Variants in DLG2 observed in about 807,000 individuals in gnomAD.
DLG2 encodes discs large MAGUK scaffold protein 2.
A neutral mutation model predicts 132.5 loss-of-function variants in DLG2; 45 were observed. The ratio of observed to expected loss-of-function variants is 0.34; its 90% confidence interval spans 0.27 to 0.44. The LOEUF is 0.44. DLG2 is among the 20% of genes least tolerant of loss of function. DLG2 has a pLI of 1.00. For synonymous variants in DLG2, 424 were observed against 419.6 expected (o/e 1.01, Z -0.13); for missense variants, 1,045 against 1,196.9 (o/e 0.87, Z 1.87).
At chr11:83,659,458 G>T (rs761209614) in intron 18 of DLG2, among the ~76,000 whole-genome samples, 9 of 152,100 alleles carry the variant, frequency 5.9e-5, no homozygotes, top group Non-Finnish European at 1.0e-4. Context: ...CTTTACTCCT[G>T]AATCTTTCAG....
chr11:83,860,335 C>G (rs1471803273), intron 16 of DLG2, among the ~76,000 whole-genome samples: 1 of 152,184 alleles, frequency 6.6e-6, no homozygotes, highest in African/African-American at 2.4e-5. Context: ...TGCAAAGCCA[C>G]AGGAGTGGAG....
At position 83,794,006 on chromosome 11, in the gene DLG2, C is replaced by G. The variant is rs1594500019; in HGVS notation, c.1723-7214G>C. Reference sequence around the variant, plus strand: ...AGGAAGGGACTGGCCCAAAGTCATACTGAAGTTAGCATAGGGATAGGACCA... The same window carrying G: ...AGGAAGGGACTGGCCCAAAGTCATAGTGAAGTTAGCATAGGGATAGGACCA... On this transcript the variant is annotated intron_variant, in intron 17 of 27. Coordinates refer to ENST00000376104, the MANE Select transcript of DLG2 (RefSeq NM_001142699.3). Among the ~76,000 whole-genome samples the G allele has an allele frequency of 2.0e-5, 3 of 152,140 alleles. No individual in the cohort carries two copies. In the East Asian group the frequency reaches 5.8e-4, roughly 29 times the overall value.
At chr11:84,103,709 T>A (rs1166343797) in intron 9 of DLG2, among the ~76,000 whole-genome samples, 3 of 152,146 alleles carry the variant, frequency 2.0e-5, no homozygotes, top group Admixed American at 2.0e-4. Context: ...AGAGAGAGAA[T>A]CCACCAAAAG....
chr11:84,801,371 C>T (rs1179951659), intron 6 of DLG2, among the ~76,000 whole-genome samples: 5 of 152,108 alleles, frequency 3.3e-5, no homozygotes, highest in Non-Finnish European at 7.3e-5. Context: ...AGATCAAGAC[C>T]ATCCTGGCTA....
chr11:83,945,253 G>T (rs572393275), intron 14 of DLG2, among the ~76,000 whole-genome samples: 1 of 152,282 alleles, frequency 6.6e-6, no homozygotes, highest in African/African-American at 2.4e-5. Flanking sequence ...TACAGTCTGG[G>T]CAACAGAGGG....
At chr11:83,662,571 C>T (rs1440508038) in intron 18 of DLG2, among the ~76,000 whole-genome samples, 2 of 152,150 alleles carry the variant, frequency 1.3e-5, no homozygotes, top group African/African-American at 2.4e-5. Flanking sequence ...GAATCTCCAA[C>T]AATTAAATGT....
chr11:83,831,576 T>G (rs547213446), intron 17 of DLG2, among the ~76,000 whole-genome samples: 90 of 152,114 alleles, frequency 5.9e-4, no homozygotes, highest in African/African-American at 2.1e-3. Flanking sequence ...GATTTTCCCA[T>G]TTTTTGAAGG....
intron 3 of DLG2, among the ~76,000 whole-genome samples, chr11:85,586,736 A>G (rs2153230893): frequency 6.6e-6 from 1 of 151,440 alleles, no homozygotes; most frequent in East Asian, 1.9e-4. Context: ...TTTTTCTGTT[A>G]GGTTTGGGTT....
At chr11:83,847,955 A>G (rs1193649376) in intron 16 of DLG2, among the ~76,000 whole-genome samples, 1 of 152,112 alleles carries the variant, frequency 6.6e-6, no homozygotes, top group African/African-American at 2.4e-5. Context: ...TATCGTAGCT[A>G]CCAGTCATAT....
At chr11:83,876,865 T>C (rs911096068) in intron 15 of DLG2, among the ~76,000 whole-genome samples, 1 of 152,158 alleles carries the variant, frequency 6.6e-6, no homozygotes, top group African/African-American at 2.4e-5. Flanking sequence ...ATTTCTAATA[T>C]GGTCTCTATA....
At chr11:83,677,975 A>T (rs2078064989) in intron 18 of DLG2, among the ~76,000 whole-genome samples, 1 of 152,208 alleles carries the variant, frequency 6.6e-6, no homozygotes. Flanking sequence ...GCTTTCTATT[A>T]GTCCTCAGCT....
At chr11:84,618,374 G>A (rs192652572) in intron 6 of DLG2, among the ~76,000 whole-genome samples, 208 of 152,098 alleles carry the variant, frequency 1.4e-3, no homozygotes, top group Middle Eastern at 3.4e-3. Flanking sequence ...CTGGTGAGCC[G>A]TCCTGCTATA....
chr11:85,605,300 C>T (rs2080450416), intron 2 of DLG2, among the ~76,000 whole-genome samples: 1 of 152,104 alleles, frequency 6.6e-6, no homozygotes, highest in South Asian at 2.1e-4. Flanking sequence ...CTCCACAATA[C>T]CACCCTTAAT....
chr11:83,957,033 G>A (rs2087053779), intron 14 of DLG2, among the ~76,000 whole-genome samples: 1 of 152,214 alleles, frequency 6.6e-6, no homozygotes, highest in Admixed American at 6.5e-5. Context: ...AACGTAGTTT[G>A]TAATAAGAAT....
At chr11:85,322,189 G>A (rs1487472982) in intron 3 of DLG2, among the ~76,000 whole-genome samples, 2 of 151,928 alleles carry the variant, frequency 1.3e-5, no homozygotes, top group South Asian at 2.1e-4. Flanking sequence ...TGACTCCAGT[G>A]GTACCTCCAG....
At chr11:85,195,677 T>C (rs1392058852) in intron 4 of DLG2, among the ~76,000 whole-genome samples, 18 of 151,720 alleles carry the variant, frequency 1.2e-4, no homozygotes, top group Non-Finnish European at 1.9e-4. Context: ...GCGCCCACCA[T>C]CACGCCCAGC....
chr11:84,379,636 C>G (rs932319494), intron 7 of DLG2, among the ~76,000 whole-genome samples: 1 of 152,018 alleles, frequency 6.6e-6, no homozygotes, highest in African/African-American at 2.4e-5. Flanking sequence ...AACAAATGCA[C>G]ACAGAGACAA....
intron 9 of DLG2, among the ~76,000 whole-genome samples, chr11:84,143,650 T>C (rs1052438161): frequency 6.6e-6 from 1 of 152,180 alleles, no homozygotes; most frequent in African/African-American, 2.4e-5. Context: ...ATTCTAACAA[T>C]TGCTCAAATG....
At chr11:84,591,190 T>C (rs1181725074) in intron 6 of DLG2, among the ~76,000 whole-genome samples, 3 of 150,324 alleles carry the variant, frequency 2.0e-5, no homozygotes, top group Non-Finnish European at 4.4e-5. Context: ...CACCCTAAAG[T>C]TTTGTTATAA....
Sources: gnomAD v4.1 joint callset for allele counts (sites outside exome capture counted in the v4.1 genomes callset) on GRCh38, gnomAD v4.1.1 for gene constraint, MANE v1.5 for transcripts, NCBI Gene and HGNC (gene_info 2026-07-23, HGNC 2026-07-21) for gene names.